Variants in GALNT2 observed in about 807,000 individuals in gnomAD.
The protein encoded by GALNT2 is polypeptide N-acetylgalactosaminyltransferase 2.
GALNT2 carries 31 observed loss-of-function variants against 81.4 expected under a neutral mutation model. The ratio of observed to expected loss-of-function variants is 0.38; its 90% CI spans 0.29 to 0.51. GALNT2 has a LOEUF of 0.51. Ranked by LOEUF, GALNT2 falls within the 20% of genes least tolerant of loss-of-function variation. The pLI is 0.87. For synonymous variants in GALNT2, 303 were observed against 287.4 expected (o/e 1.05, Z -0.55); for missense variants, 629 against 765.7 (o/e 0.82, Z 2.11).
At chr1:230,058,294 C>G (rs1014414809) in intron 1 of GALNT2, among the ~76,000 whole-genome samples, 5 of 152,148 alleles carry the variant, frequency 3.3e-5, no homozygotes, top group African/African-American at 1.2e-4. Context: ...CGACATATTC[C>G]CTGGGAGCCT....
chr1:230,107,466 C>T (rs1355227451), intron 1 of GALNT2, among the ~76,000 whole-genome samples: 2 of 152,090 alleles, frequency 1.3e-5, no homozygotes, highest in African/African-American at 4.8e-5. Context: ...TGTAGTCCCA[C>T]CTACTCGGGA....
chr1:230,072,377 G>T (rs1409236355), intron 1 of GALNT2, among the ~76,000 whole-genome samples: 1 of 150,616 alleles, frequency 6.6e-6, no homozygotes, highest in African/African-American at 2.5e-5. Context: ...GTGGCGGGGG[G>T]TGCGGTGAGG....
chr1:230,187,900 ATTGCTTTGCTGG>A (rs1361651732), intron 2 of GALNT2, among the ~76,000 whole-genome samples: 21 of 120,748 alleles, frequency 1.7e-4, no homozygotes, highest in African/African-American at 5.5e-4. Context: ...CTCCTTCTCT[ATTGCTTTGCTGG>A]TAGGGCCTGG....
intron 1 of GALNT2, among the ~76,000 whole-genome samples, chr1:230,151,372 C>T (rs903081945): frequency 2.0e-5 from 3 of 152,166 alleles, no homozygotes; most frequent in Admixed American, 6.5e-5. Context: ...GGATTGTCCA[C>T]GTAGTGCCTC....
chr1:230,190,607 T>C (rs1663490590), intron 2 of GALNT2, among the ~76,000 whole-genome samples: 1 of 152,176 alleles, frequency 6.6e-6, no homozygotes, highest in African/African-American at 2.4e-5. Context: ...CAGAGCCCCC[T>C]CTGGGCTCTG....
chr1:230,254,803 T>TG (rs1665656834), intron 10 of GALNT2, among the ~76,000 whole-genome samples: 1 of 152,188 alleles, frequency 6.6e-6, no homozygotes, highest in Non-Finnish European at 1.5e-5. Context: ...CAAGTGCAAA[T>TG]GATCGTGAGC....
At chr1:230,127,160 C>T (rs1661210806) in intron 1 of GALNT2, among the ~76,000 whole-genome samples, 2 of 152,126 alleles carry the variant, frequency 1.3e-5, no homozygotes, top group East Asian at 1.9e-4. Context: ...CTACTTTACT[C>T]GGAAACAGTG....
chr1:230,121,617 C>T (rs1661017846), intron 1 of GALNT2, among the ~76,000 whole-genome samples: 1 of 152,104 alleles, frequency 6.6e-6, no homozygotes, highest in Admixed American at 6.5e-5. Flanking sequence ...TTGTTTTTGC[C>T]GAGGAGAACA....
At chr1:230,179,473 G>A (rs1258569699) in intron 2 of GALNT2, among the ~76,000 whole-genome samples, 1 of 152,208 alleles carries the variant, frequency 6.6e-6, no homozygotes, top group African/African-American at 2.4e-5. Flanking sequence ...GGTGTTGCCA[G>A]TGTTCTGGAT....
intron 14 of GALNT2, among the ~76,000 whole-genome samples, chr1:230,272,078 T>G (rs1666173472): frequency 6.6e-6 from 1 of 152,182 alleles, no homozygotes; most frequent in South Asian, 2.1e-4. Flanking sequence ...GAATGAAAGA[T>G]GCTCCTAAAA....
chr1:230,255,409 C>T, intron 11 of GALNT2, 65 bp downstream of exon 11: 1 of 1,605,402 alleles, frequency 6.2e-7, no homozygotes, highest in Non-Finnish European at 8.5e-7. Flanking sequence ...AGGACCTGAC[C>T]TTGGGCTGTT....
chr1:230,246,098 C>T lies in GALNT2; in HGVS notation c.765C>T (p.Val255=), dbSNP rs761779291. Residue 255 remains valine, a synonymous_variant, in exon 8 of 16, where the codon GTC becomes GTT. Coordinates refer to ENST00000366672, the MANE Select transcript of GALNT2 (RefSeq NM_004481.5). ...RTRVVSPIID[V]INMDNFQYVG... Reference sequence around the variant, plus strand: ...GGGTTGTGTCACCCATCATCGATGTCATTAATATGGACAACTTTCAGTATG... The same window carrying T: ...GGGTTGTGTCACCCATCATCGATGTTATTAATATGGACAACTTTCAGTATG... 2.5e-6 allele frequency: 4 copies of T among 1,614,042 alleles called. No homozygotes were observed. Among genetic ancestry groups the T allele is most frequent in the African/African-American group, 2.7e-5 (2 of 75,012 alleles).
At chr1:230,189,333 C>T (rs1206991893) in intron 2 of GALNT2, among the ~76,000 whole-genome samples, 2 of 152,152 alleles carry the variant, frequency 1.3e-5, no homozygotes, top group Non-Finnish European at 2.9e-5. Context: ...CACCCCTCCC[C>T]GATGTGCTGT....
intron 1 of GALNT2, 36 bp downstream of exon 1, chr1:230,067,442 G>GCCCACCC (rs1659229069): frequency 1.1e-6 from 1 of 885,052 alleles, no homozygotes; most frequent in Non-Finnish European, 1.5e-6. Flanking sequence ...GGGCCCCTGC[G>GCCCACCC]CCCACCCCCC....
Position 230,086,030 on chromosome 1 carries a change from A to G in GALNT2, c.126+18624A>G, listed in dbSNP as rs183955006. ...AAACTGCTTGCTGACCTGCCTGGTT[A>G]AGGAACGAACTCGGGTTCCACCAGA... On this transcript the variant is annotated intron_variant, in intron 1 of 15. Coordinates refer to ENST00000366672, the MANE Select transcript of GALNT2 (RefSeq NM_004481.5). Among the ~76,000 whole-genome samples, 13 of 152,336 alleles carry G rather than the reference A, an allele frequency of 8.5e-5. No homozygotes were observed. In the East Asian group the frequency reaches 2.5e-3, roughly 29 times the overall value.
At chr1:230,249,313 C>T (rs754307633) in intron 9 of GALNT2, 42 bp downstream of exon 9, 2 of 1,568,862 alleles carry the variant, frequency 1.3e-6, no homozygotes, top group South Asian at 1.1e-5. Context: ...CCAGATGAGA[C>T]CCCAGGTTCC....
intron 2 of GALNT2, among the ~76,000 whole-genome samples, chr1:230,185,438 G>A (rs764636412): frequency 1.3e-4 from 20 of 152,084 alleles, no homozygotes; most frequent in Non-Finnish European, 2.8e-4. Context: ...AGTGGGAGGG[G>A]AAGCTTGCTA....
intron 1 of GALNT2, among the ~76,000 whole-genome samples, chr1:230,154,558 C>A (rs1196702488): frequency 6.6e-6 from 1 of 152,136 alleles, no homozygotes; most frequent in Non-Finnish European, 1.5e-5. Flanking sequence ...GAGATAAGAT[C>A]TTTATAGATA....
intron 11 of GALNT2, chr1:230,259,413 C>T (rs1222863805): frequency 2.0e-5 from 3 of 152,180 alleles, no homozygotes; most frequent in Non-Finnish European, 4.4e-5. Flanking sequence ...CATCAGAAAG[C>T]AAAGGCGTCA....
Sources: gnomAD v4.1 joint callset for allele counts (sites outside exome capture counted in the v4.1 genomes callset) on GRCh38, gnomAD v4.1.1 for gene constraint, MANE v1.5 for transcripts, NCBI Gene and HGNC (gene_info 2026-07-23, HGNC 2026-07-21) for gene names.